Variants in TNPO1 observed in about 807,000 individuals in gnomAD.
The protein encoded by TNPO1 is transportin-1.
Under a neutral mutation model 119.5 loss-of-function variants are expected in TNPO1, and 8 were observed. The observed-to-expected ratio is 0.07, with a 90% confidence interval of 0.04 to 0.12. The LOEUF (loss-of-function observed/expected upper bound fraction) is 0.12, where lower values mean the gene tolerates loss of function less well. Among genes scored for constraint, TNPO1 ranks in the 10% least tolerant of loss-of-function variants. The pLI, the probability that TNPO1 is intolerant of heterozygous loss-of-function variation, is 1.00. For missense variants in TNPO1, 576 were observed against 1,089.8 expected, an observed-to-expected ratio of 0.53 and a Z score of 6.64; for synonymous variants, 362 against 363.0, an observed-to-expected ratio of 1.00 and a Z score of 0.03.
chr5:72,869,813 T>A (rs1747240904), intron 6 of TNPO1, among the ~76,000 whole-genome samples: 1 of 152,240 alleles, frequency 6.6e-6, no homozygotes, highest in Admixed American at 6.5e-5. Flanking sequence ...CAGACAGATC[T>A]AATTAACAAA....
chr5:72,865,801 A>T, intron 6 of TNPO1, 72 bp downstream of exon 6: 1 of 1,452,256 alleles, frequency 6.9e-7, no homozygotes, highest in Non-Finnish European at 9.3e-7. Flanking sequence ...TTCATTACCT[A>T]ATATTTTTGA....
chr5:72,908,992 T>A lies in TNPO1; in HGVS notation c.*319T>A, dbSNP rs1437494130. 4.9e-6 allele frequency: 2 copies of A among 407,674 alleles called. No homozygotes were observed. Among genetic ancestry groups the A allele is most frequent in the Non-Finnish European group, 9.8e-6 (2 of 204,284 alleles). 25.3% of individuals were successfully genotyped at this position (407,674 alleles called of 1,614,324 possible). A position where few individuals can be genotyped will look rare whatever the true frequency, so the allele number is the denominator to read the frequency against. ...AGTCTACTCACAAAACAGTACATTGTGGAATATTATGGGGAATTGTACCAA... is the reference window on the plus strand; with the variant it reads ...AGTCTACTCACAAAACAGTACATTGAGGAATATTATGGGGAATTGTACCAA... On this transcript the variant is annotated 3_prime_UTR_variant, in exon 25 of 25. Coordinates refer to ENST00000337273, the MANE Select transcript of TNPO1 (RefSeq NM_002270.4).
chr5:72,863,038 T>G (rs1746595346), intron 5 of TNPO1, among the ~76,000 whole-genome samples: 1 of 150,628 alleles, frequency 6.6e-6, no homozygotes, highest in South Asian at 2.1e-4. Flanking sequence ...TTTTTTTTGT[T>G]GTTTTTTTGG....
At position 72,909,951 on chromosome 5, in the gene TNPO1, T is replaced by C. The variant is rs1375968941; in HGVS notation, c.*1278T>C. The C allele has an allele frequency of 6.6e-6, 1 of 152,602 alleles. No homozygotes were observed. 9.5% of individuals were successfully genotyped at this position (152,602 alleles called of 1,614,324 possible). ...TTTATCAAAACTTCTAAAATTTAAA[T>C]TACGTGGTAAAAGATCTGTAAAAGG... On this transcript the variant is annotated 3_prime_UTR_variant, in exon 25 of 25. Transcript: ENST00000337273.
chr5:72,894,226 C>A (rs367754237), intron 18 of TNPO1, among the ~76,000 whole-genome samples: 8 of 151,940 alleles, frequency 5.3e-5, no homozygotes, highest in African/African-American at 1.9e-4. Flanking sequence ...GTGCGAGATT[C>A]GAGACTAGCA....
At chr5:72,840,624 G>A (rs1013049591) in intron 1 of TNPO1, among the ~76,000 whole-genome samples, 6 of 152,150 alleles carry the variant, frequency 3.9e-5, no homozygotes, top group Non-Finnish European at 7.3e-5. Context: ...TATAGGAAGT[G>A]TCTGGTTATA....
chr5:72,826,532 T>G (rs1356837904), intron 1 of TNPO1, among the ~76,000 whole-genome samples: 1 of 152,218 alleles, frequency 6.6e-6, no homozygotes, highest in Non-Finnish European at 1.5e-5. Flanking sequence ...TTTTATTTTT[T>G]GCTGTATCTG....
chr5:72,857,784 C>CT (rs1255993508), intron 4 of TNPO1, among the ~76,000 whole-genome samples: 3 of 152,178 alleles, frequency 2.0e-5, no homozygotes, highest in Non-Finnish European at 4.4e-5. Flanking sequence ...CTACAATACT[C>CT]TGTGTCTTTA....
intron 2 of TNPO1, among the ~76,000 whole-genome samples, chr5:72,849,565 G>A (rs564671621): frequency 6.6e-6 from 1 of 152,144 alleles, no homozygotes; most frequent in South Asian, 2.1e-4. Context: ...CGAGGGTTTC[G>A]CAGAAATACT....
intron 4 of TNPO1, 126 bp downstream of exon 4, chr5:72,856,049 C>G: frequency 2.1e-6 from 2 of 948,106 alleles, no homozygotes; most frequent in Non-Finnish European, 3.2e-6. Flanking sequence ...ACTTTCATTG[C>G]CTTTAAATGC....
intron 1 of TNPO1, among the ~76,000 whole-genome samples, chr5:72,821,576 TGAG>T (rs1390549307): frequency 6.6e-6 from 1 of 152,148 alleles, no homozygotes; most frequent in Non-Finnish European, 1.5e-5. Flanking sequence ...TAGGAAATGA[TGAG>T]AGAGCTAGCA....
rs1743786361 is a variant in TNPO1 at position 72,818,203 on chromosome 5, T to A, written c.15+1451T>A. Reference sequence around the variant, plus strand: ...TGATGTGGCTGCATCTTTCTCCTAGTCAGGAATTATTAAATTCCTCCCACT... The same window carrying A: ...TGATGTGGCTGCATCTTTCTCCTAGACAGGAATTATTAAATTCCTCCCACT... On this transcript the variant is annotated intron_variant, in intron 1 of 24. Transcript: ENST00000337273. Among the ~76,000 whole-genome samples the A allele has an allele frequency of 1.3e-5, 2 of 152,244 alleles. 1 individual carries two copies. Among genetic ancestry groups the A allele is most frequent in the South Asian group, 4.1e-4 (2 of 4,836 alleles).
intron 6 of TNPO1, among the ~76,000 whole-genome samples, chr5:72,868,439 A>AG (rs1274845546): frequency 7.1e-6 from 1 of 140,872 alleles, no homozygotes; most frequent in Non-Finnish European, 1.5e-5. Context: ...CTCAAAAAAA[A>AG]AAAAAAAAAA....
At chr5:72,890,999 G>GT (rs1251394043) in intron 14 of TNPO1, among the ~76,000 whole-genome samples, 1 of 151,936 alleles carries the variant, frequency 6.6e-6, no homozygotes, top group Non-Finnish European at 1.5e-5. Flanking sequence ...GACCACAGGC[G>GT]TGTACCACCA....
intron 20 of TNPO1, among the ~76,000 whole-genome samples, chr5:72,897,987 T>C (rs1458961301): frequency 6.6e-6 from 1 of 152,150 alleles, no homozygotes; most frequent in Admixed American, 6.5e-5. Flanking sequence ...ATTCTAATGC[T>C]ATTAAAATTG....
intron 15 of TNPO1, 117 bp from the exon 16 acceptor site, chr5:72,893,022 A>C: frequency 1.4e-6 from 1 of 734,098 alleles, no homozygotes; most frequent in Non-Finnish European, 2.3e-6. Flanking sequence ...CTGCTACTGT[A>C]GAAACTAGTA....
chr5:72,868,805 A>T (rs1747152082), intron 6 of TNPO1, among the ~76,000 whole-genome samples: 1 of 151,990 alleles, frequency 6.6e-6, no homozygotes, highest in Non-Finnish European at 1.5e-5. Flanking sequence ...TCAGGGGTTC[A>T]AGACTAGCCT....
rs776027759 is a variant in TNPO1, at chr5:72,893,121, G to C, written c.1789-18G>C. ...AGTATACCCAGAAAGTTTAGCATGTGTACTTTATTCTTCCTAGTGCCTATC... is the reference window on the plus strand; with the variant it reads ...AGTATACCCAGAAAGTTTAGCATGTCTACTTTATTCTTCCTAGTGCCTATC... On this transcript the variant is annotated intron_variant, in intron 15 of 24. Coordinates refer to ENST00000337273, the MANE Select transcript of TNPO1 (RefSeq NM_002270.4). 2 of 1,592,318 alleles carry C rather than the reference G, an allele frequency of 1.3e-6. No individual in the cohort carries two copies. Among genetic ancestry groups the C allele is most frequent in the Non-Finnish European group, 1.7e-6 (2 of 1,164,230 alleles).
intron 1 of TNPO1, among the ~76,000 whole-genome samples, chr5:72,821,071 A>C (rs1743936032): frequency 6.6e-6 from 1 of 152,228 alleles, no homozygotes; most frequent in Non-Finnish European, 1.5e-5. Context: ...ACGTTTAGTA[A>C]AACTCCTGGT....
Sources: gnomAD v4.1 joint callset for allele counts (sites outside exome capture counted in the v4.1 genomes callset) on GRCh38, gnomAD v4.1.1 for gene constraint, MANE v1.5 for transcripts, NCBI Gene and HGNC (gene_info 2026-07-23, HGNC 2026-07-21) for gene names.